SH3D19: variants seen among roughly 807,000 people sequenced by gnomAD.
The protein encoded by SH3D19 is SH3 domain containing 19, also known as SH3 domain-containing protein 19.
SH3D19 carries 58 observed loss-of-function variants against 112.1 expected under a neutral mutation model. The ratio of observed to expected loss-of-function variants is 0.52; its 90% CI spans 0.42 to 0.64. The LOEUF (loss-of-function observed/expected upper bound fraction) is 0.64, where lower values mean the gene tolerates loss of function less well. SH3D19 is among the 30% of genes least tolerant of loss of function. SH3D19 has a pLI of 0.00. For synonymous variants in SH3D19, 391 were observed against 448.5 expected (o/e 0.87, Z 1.62); for missense variants, 1,090 against 1,263.4 (o/e 0.86, Z 2.08).
chr4:151,235,743 G>A (rs980224839), intron 1 of SH3D19, among the ~76,000 whole-genome samples: 24 of 152,218 alleles, frequency 1.6e-4, no homozygotes, highest in East Asian at 5.8e-4. Context: ...CTGAGATTGC[G>A]CCACTGCACT....
intron 2 of SH3D19, among the ~76,000 whole-genome samples, chr4:151,214,438 G>A (rs1449089835): frequency 2.5e-4 from 4 of 15,724 alleles, no homozygotes; most frequent in Admixed American, 2.4e-3. Flanking sequence ...CCTCCCGGAC[G>A]AGGCTGCTGG....
intron 2 of SH3D19, among the ~76,000 whole-genome samples, chr4:151,218,622 A>C (rs932144287): frequency 2.6e-4 from 40 of 152,140 alleles, no homozygotes; most frequent in African/African-American, 9.4e-4. Flanking sequence ...TGCAAATCCT[A>C]TCTCTTAGCT....
At chr4:151,260,102 T>C (rs575446661) in intron 1 of SH3D19, among the ~76,000 whole-genome samples, 2 of 152,338 alleles carry the variant, frequency 1.3e-5, no homozygotes, top group South Asian at 2.1e-4. Context: ...TTTGTATGCA[T>C]TTATGGAGTA....
At chr4:151,301,509 G>A (rs1225847377) in intron 1 of SH3D19, among the ~76,000 whole-genome samples, 2 of 152,176 alleles carry the variant, frequency 1.3e-5, no homozygotes, top group East Asian at 3.9e-4. Context: ...TTACAAGCGT[G>A]AGCCACCGCG....
chr4:151,199,458 G>C (rs1764071215), intron 2 of SH3D19, among the ~76,000 whole-genome samples: 2 of 152,164 alleles, frequency 1.3e-5, no homozygotes, highest in African/African-American at 4.8e-5. Context: ...CAGAACAAAG[G>C]ATGGGGCATA....
intron 1 of SH3D19, among the ~76,000 whole-genome samples, chr4:151,235,485 G>A (rs1347644082): frequency 1.3e-5 from 2 of 152,080 alleles, no homozygotes; most frequent in African/African-American, 2.4e-5. Flanking sequence ...CTAATCTGAG[G>A]ATAAAACATT....
At chr4:151,226,467 G>C in intron 1 of SH3D19, 1 of 990,692 alleles carries the variant, frequency 1.0e-6, no homozygotes, top group Non-Finnish European at 1.2e-6. Flanking sequence ...ATGAATCATG[G>C]TTGGCAGAAG....
At chr4:151,227,772 C>T in intron 1 of SH3D19, 2 of 985,466 alleles carry the variant, frequency 2.0e-6, no homozygotes, top group Non-Finnish European at 2.4e-6. Context: ...GTGGCTAAAG[C>T]CGAGCTAAAA....
intron 1 of SH3D19, among the ~76,000 whole-genome samples, chr4:151,301,873 C>T (rs1031620628): frequency 6.6e-6 from 1 of 152,084 alleles, no homozygotes; most frequent in South Asian, 2.1e-4. Context: ...CAATATATTC[C>T]AAAAGCTCCC....
intron 1 of SH3D19, among the ~76,000 whole-genome samples, chr4:151,234,606 A>T (rs111601047): frequency 0.029 from 4,381 of 152,148 alleles, 92 homozygotes; most frequent in African/African-American, 0.047. Flanking sequence ...ATTTTTCAGC[A>T]AGCAAAATTT....
intron 9 of SH3D19, among the ~76,000 whole-genome samples, chr4:151,155,562 T>G (rs1755943451): frequency 6.7e-6 from 1 of 149,412 alleles, no homozygotes; most frequent in Non-Finnish European, 1.5e-5. Context: ...AAACAAGCCT[T>G]AAAGATCATA....
intron 17 of SH3D19, among the ~76,000 whole-genome samples, chr4:151,130,106 A>G (rs1750301028): frequency 1.3e-5 from 2 of 152,176 alleles, no homozygotes; most frequent in South Asian, 4.1e-4. Flanking sequence ...TTTCACAAAC[A>G]CAATGATCCC....
chr4:151,182,992 CT>C (rs757247209), intron 3 of SH3D19, among the ~76,000 whole-genome samples: 9 of 139,992 alleles, frequency 6.4e-5, no homozygotes, highest in South Asian at 4.6e-4. Context: ...CAAACTTTTT[CT>C]TTTTTTTTTT....
intron 2 of SH3D19, among the ~76,000 whole-genome samples, chr4:151,221,740 A>C (rs1005812666): frequency 6.6e-6 from 1 of 152,218 alleles, no homozygotes; most frequent in Non-Finnish European, 1.5e-5. Context: ...AGTCCTAAAG[A>C]ACTTGACAGT....
At chr4:151,226,467 G>A in intron 1 of SH3D19, 2 of 990,810 alleles carry the variant, frequency 2.0e-6, no homozygotes, top group Non-Finnish European at 2.4e-6. Context: ...ATGAATCATG[G>A]TTGGCAGAAG....
At chr4:151,199,493 T>G (rs1223958152) in intron 2 of SH3D19, among the ~76,000 whole-genome samples, 2 of 151,918 alleles carry the variant, frequency 1.3e-5, no homozygotes, top group Non-Finnish European at 2.9e-5. Flanking sequence ...CAGAGCAAGG[T>G]TCCAAATAGT....
intron 15 of SH3D19, 33 bp downstream of exon 15, chr4:151,135,041 T>C (rs763356380): frequency 6.6e-7 from 1 of 1,523,562 alleles, no homozygotes; most frequent in Non-Finnish European, 9.0e-7. Flanking sequence ...ATCTCCTTTG[T>C]ATTTTGTGTA....
intron 2 of SH3D19, among the ~76,000 whole-genome samples, chr4:151,212,052 G>A (rs1235406710): frequency 6.6e-6 from 1 of 152,238 alleles, no homozygotes; most frequent in Non-Finnish European, 1.5e-5. Context: ...AGACAGAAAA[G>A]TCAATGTCTG....
chr4:151,193,553 CAA>C (rs965518668), intron 2 of SH3D19, among the ~76,000 whole-genome samples: 1 of 152,218 alleles, frequency 6.6e-6, no homozygotes, highest in South Asian at 2.1e-4. Flanking sequence ...ACAAGCAGCA[CAA>C]AGTCTTCACT....
Sources: allele counts gnomAD v4.1 joint callset (sites outside exome capture counted in the v4.1 genomes callset), GRCh38; gene constraint gnomAD v4.1.1; transcripts MANE v1.5; gene names NCBI Gene and HGNC (gene_info 2026-07-23, HGNC 2026-07-21).